Variants in METTL24 observed in about 807,000 individuals in gnomAD.
METTL24 encodes the protein methyltransferase like 24.
In METTL24, 29 loss-of-function variants were observed where a neutral mutation model predicts 32.7. The observed-to-expected ratio is 0.89, with a 90% CI of 0.66 to 1.21. The LOEUF is 1.21. Ranked by LOEUF, METTL24 falls within the 50% of genes most tolerant of loss-of-function variation. The probability of loss-of-function intolerance (pLI) is 0.00; values close to 1 mark genes in which losing one functional copy is unlikely to be tolerated. For synonymous variants in METTL24, 163 were observed against 179.5 expected (o/e 0.91, Z 0.73); for missense variants, 439 against 468.1 (o/e 0.94, Z 0.57).
At chr6:110,331,659 CAAAA>C (rs59304999) in intron 1 of METTL24, among the ~76,000 whole-genome samples, 12 of 58,850 alleles carry the variant, frequency 2.0e-4, no homozygotes, top group South Asian at 5.9e-4. Context: ...GACCCTGCCT[CAAAA>C]AAAAAAAAAA....
At chr6:110,292,147 C>T (rs747834770) in intron 4 of METTL24, among the ~76,000 whole-genome samples, 3 of 152,164 alleles carry the variant, frequency 2.0e-5, no homozygotes, top group Non-Finnish European at 2.9e-5. Context: ...ACAATGGTGG[C>T]TATGCAGATT....
rs1175612173 is a variant in METTL24, at chr6:110,302,540, T to C, written c.558-3390A>G. 7.6e-5 allele frequency among the ~76,000 whole-genome samples: 8 copies of C among 105,904 alleles called. 1 individual carries two copies. Among genetic ancestry groups the C allele is most frequent in the South Asian group, 5.9e-4 (2 of 3,404 alleles). The allele number at this position is 105,904 out of a possible 152,430, so 69.5% of individuals were successfully genotyped here. On this transcript the variant is annotated intron_variant, in intron 3 of 4. Coordinates refer to ENST00000338882, the MANE Select transcript of METTL24 (RefSeq NM_001123364.3). ...ACACATATGTGTATATATACACATA[T>C]ACACACACATATGTGTATATATACA...
chr6:110,323,886 G>T (rs1247409919), intron 1 of METTL24, among the ~76,000 whole-genome samples: 1 of 152,084 alleles, frequency 6.6e-6, no homozygotes, highest in Non-Finnish European at 1.5e-5. Flanking sequence ...TGGTGAGGAA[G>T]TAGGCAGGGG....
At chr6:110,338,537 C>T in intron 1 of METTL24, among the ~76,000 whole-genome samples, 1 of 152,062 alleles carries the variant, frequency 6.6e-6, no homozygotes, top group Non-Finnish European at 1.5e-5. Flanking sequence ...AACAAAAACC[C>T]CAACGTGTCT....
intron 4 of METTL24, chr6:110,254,234 C>A (rs1584104935): frequency 3.6e-6 from 1 of 274,604 alleles, no homozygotes; most frequent in Non-Finnish European, 6.7e-6. Flanking sequence ...TGTGTTCTGT[C>A]ATTTTGTAAA....
intron 1 of METTL24, among the ~76,000 whole-genome samples, chr6:110,328,775 A>G (rs562237245): frequency 6.6e-6 from 1 of 152,240 alleles, no homozygotes; most frequent in South Asian, 2.1e-4. Flanking sequence ...GCATTTAAAA[A>G]ATTTACAGGA....
intron 1 of METTL24, among the ~76,000 whole-genome samples, chr6:110,342,001 G>A (rs748879475): frequency 3.3e-5 from 5 of 152,222 alleles, no homozygotes; most frequent in Admixed American, 6.5e-5. Context: ...TCATCTGAGT[G>A]AGAATGAAGG....
chr6:110,275,629 G>C (rs758589303), intron 4 of METTL24, among the ~76,000 whole-genome samples: 23 of 152,034 alleles, frequency 1.5e-4, no homozygotes, highest in Non-Finnish European at 3.2e-4. Flanking sequence ...TGTCTTTTTG[G>C]GCAAGGACCT....
intron 4 of METTL24, among the ~76,000 whole-genome samples, chr6:110,247,166 T>C (rs1287039835): frequency 6.6e-6 from 1 of 152,220 alleles, no homozygotes; most frequent in African/African-American, 2.4e-5. Context: ...ACCAAGTAGT[T>C]ATATGTGCCT....
In METTL24 at chr6:110,262,859, C is replaced by T. The variant is rs186686384; in HGVS notation, c.787-16599G>A. The stretch of plus-strand genomic sequence containing the variant: ...TAATCCAGCATGTAAACAGAACCAA[C>T]GACAAAAACCACATGATTATCTCAA... On this transcript the variant is annotated intron_variant, in intron 4 of 4. Coordinates refer to ENST00000338882, the MANE Select transcript of METTL24 (RefSeq NM_001123364.3). 4.2e-3 allele frequency among the ~76,000 whole-genome samples: 640 copies of T among 152,156 alleles called. 6 individuals carry two copies. Among genetic ancestry groups the T allele is most frequent in the Non-Finnish European group, 6.8e-3 (464 of 67,980 alleles).
At chr6:110,290,901 T>G (rs1327328726) in intron 4 of METTL24, among the ~76,000 whole-genome samples, 1 of 152,220 alleles carries the variant, frequency 6.6e-6, no homozygotes, top group Non-Finnish European at 1.5e-5. Flanking sequence ...TTAGCCATTT[T>G]GGTAGTTATG....
chr6:110,266,963 G>GAA (rs199729422), intron 4 of METTL24, among the ~76,000 whole-genome samples: 6 of 149,966 alleles, frequency 4.0e-5, no homozygotes, highest in African/African-American at 1.5e-4. Flanking sequence ...TCTTTAACCT[G>GAA]AAAAAAAAAG....
Position 110,315,325 on chromosome 6 carries a change from TA to T in METTL24, c.557+16del. On this transcript the variant is annotated intron_variant, in intron 3 of 4. Coordinates refer to ENST00000338882, the MANE Select transcript of METTL24 (RefSeq NM_001123364.3). ...GCAGTGTTTGTGTTTTCTTCTGCTG[TA>T]AAAAAATGTACTCACCCTAAGGAGT... The T allele has an allele frequency of 1.9e-6, 3 of 1,613,390 alleles. No homozygotes were observed. The highest frequency in any genetic ancestry group is 2.2e-5 in the East Asian group (1 of 44,868).
chr6:110,355,996 CAA>C (rs1256113799), intron 1 of METTL24, among the ~76,000 whole-genome samples: 1 of 152,110 alleles, frequency 6.6e-6, no homozygotes, highest in Non-Finnish European at 1.5e-5. Flanking sequence ...GAGGTACAGA[CAA>C]AGAGTTAAGA....
intron 1 of METTL24, among the ~76,000 whole-genome samples, chr6:110,331,207 G>C (rs1417058184): frequency 6.6e-6 from 1 of 152,158 alleles, no homozygotes; most frequent in Non-Finnish European, 1.5e-5. Flanking sequence ...CAGATCAATA[G>C]AAAGTATCCA....
chr6:110,294,383 A>G (rs1317639184), intron 4 of METTL24, among the ~76,000 whole-genome samples: 1 of 151,932 alleles, frequency 6.6e-6, no homozygotes, highest in Non-Finnish European at 1.5e-5. Context: ...GAATATAGAA[A>G]TACTGGATAA....
chr6:110,291,029 T>C lies in METTL24; in HGVS notation c.786+7893A>G, dbSNP rs375405478. 4.9e-4 allele frequency among the ~76,000 whole-genome samples: 75 copies of C among 152,326 alleles called. 1 individual carries two copies. The South Asian group carries it at 0.015, about 29-fold the overall frequency. On this transcript the variant is annotated intron_variant, in intron 4 of 4. Coordinates refer to ENST00000338882, the MANE Select transcript of METTL24 (RefSeq NM_001123364.3). Reference sequence around the variant, plus strand: ...TTGTTTGGTGGGGTGCCAGTTTAACTCTTTTGTTTGTTAATTGAATTGTTT... The same window carrying C: ...TTGTTTGGTGGGGTGCCAGTTTAACCCTTTTGTTTGTTAATTGAATTGTTT...
intron 1 of METTL24, among the ~76,000 whole-genome samples, chr6:110,349,526 GCC>G (rs1167847933): frequency 1.3e-5 from 2 of 152,142 alleles, no homozygotes; most frequent in Non-Finnish European, 2.9e-5. Context: ...GCATAAACTG[GCC>G]CCTCCCACCC....
At chr6:110,300,555 G>A (rs914175058) in intron 3 of METTL24, among the ~76,000 whole-genome samples, 2 of 151,804 alleles carry the variant, frequency 1.3e-5, no homozygotes, top group Non-Finnish European at 2.9e-5. Context: ...CAAGTAGCTG[G>A]GATTACAGGT....
Sources: allele counts gnomAD v4.1 joint callset (sites outside exome capture counted in the v4.1 genomes callset), GRCh38; gene constraint gnomAD v4.1.1; transcripts MANE v1.5; gene names NCBI Gene and HGNC (gene_info 2026-07-23, HGNC 2026-07-21).